FGD5: variants seen among roughly 807,000 people sequenced by gnomAD.
The protein encoded by FGD5 is FYVE, RhoGEF and PH domain-containing protein 5.
FGD5 carries 28 observed loss-of-function variants against 133.4 expected under a neutral mutation model. The observed-to-expected ratio is 0.21, with a 90% CI of 0.16 to 0.29. FGD5 has a LOEUF of 0.29. Among genes scored for constraint, FGD5 ranks in the 10% least tolerant of loss-of-function variants. The pLI is 1.00. For missense variants in FGD5, 1,858 were observed against 1,895.2 expected, an observed-to-expected ratio of 0.98 and a Z score of 0.36; for synonymous variants, 810 against 776.5, an observed-to-expected ratio of 1.04 and a Z score of -0.72.
Position 14,821,463 on chromosome 3 carries a change from G to C in FGD5, c.2392G>C (p.Gly798Arg). The change falls in exon 1 of 20, where the codon GGC (glycine) becomes CGC (arginine). Residue 798 changes from glycine to arginine, a missense_variant. This residue lies in a region of FGD5 where 1,824 missense variants were observed against 1,848.9 expected (regional missense o/e 0.99). Coordinates refer to ENST00000285046, the MANE Select transcript of FGD5 (RefSeq NM_152536.4). ...TCCACCCCGGAGACCTGCCAGGGCTGGCGCGTTCACGAAGCTGTTTGAAGA... is the reference window on the plus strand; with the variant it reads ...TCCACCCCGGAGACCTGCCAGGGCTCGCGCGTTCACGAAGCTGTTTGAAGA... The part of the protein sequence containing the change: ...QIPPRRPARA[G>R]AFTKLFEDQS... The C allele has an allele frequency of 6.2e-7, 1 of 1,614,032 alleles. No individual in the cohort carries two copies. Among genetic ancestry groups the C allele is most frequent in the South Asian group, 1.1e-5 (1 of 91,082 alleles).
chr3:14,918,619 C>T, intron 12 of FGD5, 135 bp from the exon 13 acceptor site: 1 of 823,222 alleles, frequency 1.2e-6, no homozygotes, highest in Non-Finnish European at 2.0e-6. Flanking sequence ...CCTACCATCA[C>T]AGAAAGGTAT....
intron 9 of FGD5, among the ~76,000 whole-genome samples, chr3:14,906,703 G>A (rs114658915): frequency 0.013 from 1,976 of 152,270 alleles, 46 homozygotes; most frequent in African/African-American, 0.044. Flanking sequence ...TAACATTTTC[G>A]CTGCTTTCTT....
At position 14,820,510 on chromosome 3, in the gene FGD5, C is replaced by A; in HGVS notation, c.1439C>A (p.Thr480Lys). The change falls in exon 1 of 20, where the codon ACG becomes AAG. Residue 480 changes from threonine to lysine, a missense_variant. Physicochemically the swap from Thr to Lys is moderately conservative, Grantham distance 78 (BLOSUM62 -1). Coordinates refer to ENST00000285046, the MANE Select transcript of FGD5 (RefSeq NM_152536.4). ...LVPADRKNTS[T>K]RVRPHSGKVA... Reference sequence around the variant, plus strand: ...CCCGCGGACAGGAAGAACACCAGCACGAGGGTCCGGCCCCACTCTGGGAAG... The same window carrying A: ...CCCGCGGACAGGAAGAACACCAGCAAGAGGGTCCGGCCCCACTCTGGGAAG... The A allele has an allele frequency of 6.2e-7, 1 of 1,613,918 alleles. No homozygotes were observed. The highest frequency in any genetic ancestry group is 8.5e-7 in the Non-Finnish European group (1 of 1,179,868).
At chr3:14,857,497 C>T (rs2037306856) in intron 1 of FGD5, among the ~76,000 whole-genome samples, 1 of 152,164 alleles carries the variant, frequency 6.6e-6, no homozygotes, top group Non-Finnish European at 1.5e-5. Context: ...CTCAAATGTC[C>T]TTCCTCACTT....
At chr3:14,853,028 G>A (rs1559480496) in intron 1 of FGD5, among the ~76,000 whole-genome samples, 2 of 151,862 alleles carry the variant, frequency 1.3e-5, no homozygotes, top group Admixed American at 1.3e-4. Flanking sequence ...GGACAGCCAC[G>A]ACGTAGCCCA....
chr3:14,892,099 T>C (rs1039980006), intron 4 of FGD5, among the ~76,000 whole-genome samples: 7 of 152,036 alleles, frequency 4.6e-5, no homozygotes, highest in Admixed American at 3.3e-4. Flanking sequence ...GGCCTTCACT[T>C]GGGGAGAGAA....
intron 11 of FGD5, among the ~76,000 whole-genome samples, chr3:14,913,753 A>G (rs2038496516): frequency 6.6e-6 from 1 of 151,916 alleles, no homozygotes; most frequent in South Asian, 2.1e-4. Context: ...ATCTGTCCTC[A>G]CCTCGTCCTC....
intron 2 of FGD5, among the ~76,000 whole-genome samples, chr3:14,865,598 A>G (rs933461603): frequency 6.6e-6 from 1 of 151,518 alleles, no homozygotes; most frequent in African/African-American, 2.4e-5. Context: ...GTACTGAGCC[A>G]CGTATCTGGC....
intron 18 of FGD5, among the ~76,000 whole-genome samples, chr3:14,926,665 A>T (rs886524119): frequency 6.6e-6 from 1 of 152,262 alleles, no homozygotes; most frequent in African/African-American, 2.4e-5. Context: ...TATATTTTAT[A>T]GAATATCTTA....
chr3:14,826,087 G>A (rs1271618311), intron 1 of FGD5, among the ~76,000 whole-genome samples: 1 of 152,296 alleles, frequency 6.6e-6, no homozygotes, highest in Admixed American at 6.5e-5. Flanking sequence ...CATGATAGCA[G>A]TCAGCATTAT....
chr3:14,920,356 T>C (rs929407615), intron 13 of FGD5: 1 of 152,182 alleles, frequency 6.6e-6, no homozygotes, highest in Non-Finnish European at 1.5e-5. Context: ...ATGCATTTTC[T>C]CATTAAAATC....
At chr3:14,830,684 C>T (rs908194244) in intron 1 of FGD5, among the ~76,000 whole-genome samples, 1 of 152,198 alleles carries the variant, frequency 6.6e-6, no homozygotes, top group African/African-American at 2.4e-5. Flanking sequence ...GTCTTTGTTC[C>T]AGCTTGAGTC....
At chr3:14,862,504 G>A (rs1323865386) in intron 1 of FGD5, among the ~76,000 whole-genome samples, 5 of 152,170 alleles carry the variant, frequency 3.3e-5, no homozygotes, top group Admixed American at 1.3e-4. Context: ...GACTTGCAGC[G>A]GAGGTGGAGG....
chr3:14,861,828 G>A (rs559243039), intron 1 of FGD5, among the ~76,000 whole-genome samples: 16 of 152,264 alleles, frequency 1.1e-4, no homozygotes, highest in Non-Finnish European at 1.5e-4. Context: ...GAGCTCTTGG[G>A]GCCAAATCCC....
intron 11 of FGD5, among the ~76,000 whole-genome samples, chr3:14,913,726 C>T (rs1450791057): frequency 6.6e-6 from 1 of 152,208 alleles, no homozygotes; most frequent in African/African-American, 2.4e-5. Context: ...ACAGACACAA[C>T]AGCCTGGCTT....
chr3:14,829,452 A>G, intron 1 of FGD5, among the ~76,000 whole-genome samples: 1 of 152,060 alleles, frequency 6.6e-6, no homozygotes, highest in Non-Finnish European at 1.5e-5. Context: ...TTAAGAGAGG[A>G]TGACCAACCT....
rs774096778 is a variant in FGD5, at chr3:14,820,398, G to C, written c.1327G>C (p.Gly443Arg). The C allele has an allele frequency of 5.6e-6, 9 of 1,613,942 alleles. No individual in the cohort carries two copies. The highest frequency in any genetic ancestry group is 7.6e-6 in the Non-Finnish European group (9 of 1,179,878). Residue 443 changes from glycine (G) to arginine (R), a missense_variant, in exon 1 of 20, where the codon GGA becomes CGA. Gly to Arg is a moderately radical substitution (Grantham distance 125). This residue lies in a region of FGD5 where 1,824 missense variants were observed against 1,848.9 expected (regional missense o/e 0.99). Transcript: ENST00000285046. ...GGGCCTGCCCGGTCAGGCGGCCCCTGGAGAAGGAGGGCAGGCTGCATCGGA... is the reference window on the plus strand; with the variant it reads ...GGGCCTGCCCGGTCAGGCGGCCCCTCGAGAAGGAGGGCAGGCTGCATCGGA... ...GVGLPGQAAP[G>R]EGGQAASDAL... is the part of the protein sequence containing the mutation.
At chr3:14,867,452 A>G (rs550725754) in intron 2 of FGD5, among the ~76,000 whole-genome samples, 2 of 152,366 alleles carry the variant, frequency 1.3e-5, no homozygotes, top group South Asian at 2.1e-4. Flanking sequence ...ACTTGTTCAC[A>G]TACCTCCTTA....
chr3:14,881,723 C>T (rs13062241), intron 4 of FGD5, among the ~76,000 whole-genome samples: 77,216 of 151,988 alleles, frequency 0.51, 19,922 homozygotes, highest in African/African-American at 0.54. Context: ...GAATGTGCAC[C>T]TGGACATTTT....
Sources: allele counts gnomAD v4.1 joint callset (sites outside exome capture counted in the v4.1 genomes callset), GRCh38; gene constraint gnomAD v4.1.1; regional missense constraint gnomAD v4.1.1; transcripts MANE v1.5; gene names NCBI Gene and HGNC (gene_info 2026-07-23, HGNC 2026-07-21).